DHDDS: variants seen among roughly 807,000 people sequenced by gnomAD.
The protein encoded by DHDDS is dehydrodolichyl diphosphate synthase complex subunit DHDDS.
DHDDS carries 16 observed loss-of-function variants against 46.2 expected under a neutral mutation model. The ratio of observed to expected loss-of-function variants is 0.35; its 90% confidence interval spans 0.23 to 0.53. The LOEUF (loss-of-function observed/expected upper bound fraction) is 0.53. Among genes scored for constraint, DHDDS ranks in the 20% least tolerant of loss-of-function variants. DHDDS has a pLI of 0.94. For missense variants in DHDDS, 340 were observed against 423.7 expected, an observed-to-expected ratio of 0.80 and a Z score of 1.73; for synonymous variants, 151 against 163.1, an observed-to-expected ratio of 0.93 and a Z score of 0.56.
At chr1:26,448,004 C>T in intron 6 of DHDDS, 4 of 528,762 alleles carry the variant, frequency 7.6e-6, no homozygotes, top group Non-Finnish European at 1.3e-5. Context: ...CACCACACAC[C>T]AAGAAACCCC....
chr1:26,465,203 T>G (rs2075470947), intron 8 of DHDDS, among the ~76,000 whole-genome samples: 1 of 152,092 alleles, frequency 6.6e-6, no homozygotes, highest in Admixed American at 6.6e-5. Context: ...TCTCCAAGGA[T>G]GATATTAGAG....
intron 2 of DHDDS, 41 bp downstream of exon 2, chr1:26,433,049 T>G: frequency 6.2e-7 from 1 of 1,601,174 alleles, no homozygotes; most frequent in Non-Finnish European, 8.6e-7. Flanking sequence ...TTCTGGTCAG[T>G]TGGATAATCT....
At chr1:26,438,392 G>A (rs767568715) in intron 3 of DHDDS, 108 bp downstream of exon 3, 42 of 1,019,480 alleles carry the variant, frequency 4.1e-5, no homozygotes, top group Non-Finnish European at 5.7e-5. Context: ...TTTTGTATCT[G>A]TCTCTGTGTT....
chr1:26,464,786 C>T (rs1483856832), intron 8 of DHDDS, among the ~76,000 whole-genome samples: 4 of 152,222 alleles, frequency 2.6e-5, no homozygotes, highest in African/African-American at 7.2e-5. Flanking sequence ...ATTTTAAAAT[C>T]TGAGCTGCTC....
chr1:26,442,721 C>T lies in DHDDS; in HGVS notation c.181-10C>T. 1 of 1,614,114 alleles carries T rather than the reference C, an allele frequency of 6.2e-7. No individual in the cohort carries two copies. The highest frequency in any genetic ancestry group is 8.5e-7 in the Non-Finnish European group (1 of 1,179,998). On this transcript the variant is annotated splice_polypyrimidine_tract_variant and intron_variant, in intron 3 of 8. Coordinates refer to ENST00000236342, the MANE Select transcript of DHDDS (RefSeq NM_205861.3). ...CTTGTATCCTAGCTCCTTGCCTTCT[C>T]CCCTCTCAGACTCTGCGGTGGTGTT...
In DHDDS at chr1:26,469,911, T is replaced by C. The variant is rs1047009114; in HGVS notation, c.*780T>C. On this transcript the variant is annotated 3_prime_UTR_variant, in exon 9 of 9. Coordinates refer to ENST00000236342, the MANE Select transcript of DHDDS (RefSeq NM_205861.3). The stretch of plus-strand genomic sequence containing the variant: ...TAACAGAAGGGCCTGTAGGCCCTGG[T>C]GAACTGAATCCAGCACAGGCCTCCC... 2 of 154,290 alleles carry C rather than the reference T, an allele frequency of 1.3e-5. No individual in the cohort carries two copies. Among genetic ancestry groups the C allele is most frequent in the African/African-American group, 4.8e-5 (2 of 41,468 alleles). 9.6% of individuals were successfully genotyped at this position (154,290 alleles called of 1,614,324 possible). A position where few individuals can be genotyped will look rare whatever the true frequency, so the allele number is the denominator to read the frequency against.
chr1:26,461,416 G>A (rs1405745489), intron 8 of DHDDS, among the ~76,000 whole-genome samples: 6 of 136,130 alleles, frequency 4.4e-5, no homozygotes, highest in Non-Finnish European at 9.2e-5. Flanking sequence ...ACGGAGTTTC[G>A]CTCTTGCGGC....
chr1:26,459,618 G>A (rs564188569), intron 7 of DHDDS, among the ~76,000 whole-genome samples: 3 of 152,318 alleles, frequency 2.0e-5, no homozygotes, highest in African/African-American at 7.2e-5. Flanking sequence ...CAACCACTGT[G>A]CCCTGCTGCT....
intron 8 of DHDDS, chr1:26,463,278 A>C (rs2075444228): frequency 6.6e-6 from 1 of 152,220 alleles, no homozygotes; most frequent in Non-Finnish European, 1.5e-5. Context: ...GGAGGAGTGA[A>C]GACGGGATAA....
chr1:26,464,811 G>A (rs957808023), intron 8 of DHDDS, among the ~76,000 whole-genome samples: 8 of 152,178 alleles, frequency 5.3e-5, no homozygotes, highest in Admixed American at 5.2e-4. Context: ...TCTAGGCCCT[G>A]CCCAATGTGT....
At chr1:26,468,553 T>A (rs551562642) in intron 8 of DHDDS, among the ~76,000 whole-genome samples, 11 of 151,998 alleles carry the variant, frequency 7.2e-5, no homozygotes, top group Non-Finnish European at 1.5e-4. Context: ...AGAAATGAGG[T>A]TAGGACAGGA....
intron 6 of DHDDS, chr1:26,455,308 C>T: frequency 1.9e-6 from 1 of 522,872 alleles, no homozygotes; most frequent in Non-Finnish European, 3.5e-6. Flanking sequence ...TAAGACCATG[C>T]TGCCAAGACA....
At chr1:26,438,105 A>C (rs1440723901) in intron 2 of DHDDS, 63 bp from the exon 3 acceptor site, 10 of 1,536,464 alleles carry the variant, frequency 6.5e-6, no homozygotes, top group Non-Finnish European at 9.0e-6. Context: ...CTTGGGGTGT[A>C]GTGTCTTCCT....
chr1:26,466,620 C>T (rs1486588296), intron 8 of DHDDS, among the ~76,000 whole-genome samples: 2 of 152,220 alleles, frequency 1.3e-5, no homozygotes, highest in Non-Finnish European at 2.9e-5. Context: ...GGCTACAGCC[C>T]CCATTGCTGG....
chr1:26,444,290 G>C (rs1371663745), intron 4 of DHDDS, among the ~76,000 whole-genome samples: 2 of 152,202 alleles, frequency 1.3e-5, no homozygotes, highest in Non-Finnish European at 2.9e-5. Context: ...AAAGAACCTA[G>C]TGGGAATGGG....
intron 8 of DHDDS, among the ~76,000 whole-genome samples, chr1:26,463,133 G>A (rs978470520): frequency 1.1e-4 from 17 of 152,134 alleles, no homozygotes; most frequent in Admixed American, 4.6e-4. Flanking sequence ...AGGGGATGAC[G>A]GGATCTGAGT....
chr1:26,461,924 C>T (rs968014917), intron 8 of DHDDS, among the ~76,000 whole-genome samples: 3 of 152,216 alleles, frequency 2.0e-5, no homozygotes, highest in African/African-American at 7.2e-5. Context: ...ATGACCAAAG[C>T]TCCCTCTAAA....
chr1:26,468,228 A>G (rs76881952), intron 8 of DHDDS, among the ~76,000 whole-genome samples: 1 of 74,892 alleles, frequency 1.3e-5, no homozygotes, highest in African/African-American at 8.0e-5. Flanking sequence ...GAATGTTCAT[A>G]GGGGGGTCAT....
chr1:26,450,829 G>A (rs2075312061), intron 6 of DHDDS, among the ~76,000 whole-genome samples: 1 of 152,094 alleles, frequency 6.6e-6, no homozygotes, highest in Non-Finnish European at 1.5e-5. Context: ...TTAGTTTGGA[G>A]GTACTTTCGT....
Sources: allele counts gnomAD v4.1 joint callset (sites outside exome capture counted in the v4.1 genomes callset), GRCh38; gene constraint gnomAD v4.1.1; transcripts MANE v1.5; gene names NCBI Gene and HGNC (gene_info 2026-07-23, HGNC 2026-07-21).